The following RAB27A variants were observed in gnomAD, a reference collection of about 807,000 sequenced individuals.
RAB27A encodes the protein ras-related protein Rab-27A.
RAB27A carries 17 observed loss-of-function variants against 20.8 expected under a neutral mutation model. That is an observed-to-expected ratio of 0.82 (90% CI 0.56 to 1.23). The LOEUF (loss-of-function observed/expected upper bound fraction) is 1.23, where lower values mean the gene tolerates loss of function less well. Ranked by LOEUF, RAB27A falls within the 50% of genes most tolerant of loss-of-function variation. RAB27A has a pLI of 0.00. For synonymous variants in RAB27A, 85 were observed against 92.8 expected, an observed-to-expected ratio of 0.92 and a Z score of 0.48; for missense variants, 277 against 266.7, an observed-to-expected ratio of 1.04 and a Z score of -0.27.
intron 2 of RAB27A, among the ~76,000 whole-genome samples, chr15:55,261,305 G>T (rs1897259276): frequency 1.3e-5 from 2 of 151,980 alleles, no homozygotes; most frequent in South Asian, 4.2e-4. Context: ...GCTGAGGTGG[G>T]AGAATTGCTG....
intron 2 of RAB27A, 104 bp from the exon 3 acceptor site, chr15:55,235,060 T>G (rs926079806): frequency 2.2e-6 from 2 of 914,742 alleles, no homozygotes; most frequent in Non-Finnish European, 3.4e-6. Flanking sequence ...AATGTTAACC[T>G]GTATGTCTAC....
At chr15:55,306,180 G>C (rs2054996232) in intron 2 of RAB27A, among the ~76,000 whole-genome samples, 1 of 152,196 alleles carries the variant, frequency 6.6e-6, no homozygotes, top group Non-Finnish European at 1.5e-5. Context: ...TTTTACACAG[G>C]TGAGGTTTGA....
intron 6 of RAB27A, among the ~76,000 whole-genome samples, chr15:55,210,117 CAT>C (rs201818102): frequency 0.012 from 1,774 of 141,962 alleles, 48 homozygotes; most frequent in African/African-American, 0.045. Context: ...CACACATACA[CAT>C]ATGTATATAT....
chr15:55,317,780 A>G lies in RAB27A; in HGVS notation c.-234+1151T>C, dbSNP rs115829340. The G allele has an allele frequency of 4.5e-3, 1,801 of 398,418 alleles. 24 individuals carry two copies. The highest frequency in any genetic ancestry group is 0.034 in the African/African-American group (1,650 of 48,732). 24.7% of individuals were successfully genotyped at this position (398,418 alleles called of 1,614,324 possible). ...GCAAAAAGCAGTTGTGCAAAAGTCA[A>G]TCTCCTAAACATTGCTGCAACAAAT... On this transcript the variant is annotated intron_variant, in intron 1 of 5. Transcript: ENST00000563262.
rs185601379 is a variant in RAB27A, at chr15:55,260,362, T to C, written c.-23+9803A>G. 3.3e-5 allele frequency among the ~76,000 whole-genome samples: 5 copies of C among 152,346 alleles called. No homozygotes were observed. In the East Asian group the frequency reaches 9.6e-4, roughly 29 times the overall value. ...GGAATGCAAAATGGTACAAGCCCTT[T>C]GTTATAGACAGTTTGGCAGTTGTTT... On this transcript the variant is annotated intron_variant, in intron 2 of 6. Transcript: ENST00000336787.
chr15:55,306,806 TG>T, intron 2 of RAB27A, among the ~76,000 whole-genome samples: 1 of 152,068 alleles, frequency 6.6e-6, no homozygotes, highest in African/African-American at 2.4e-5. Context: ...GGTCCTACAG[TG>T]GCATGGAGAG....
chr15:55,236,539 C>A lies in RAB27A; in HGVS notation c.-22-1583G>T, dbSNP rs186211869. 1.2e-3 allele frequency among the ~76,000 whole-genome samples: 183 copies of A among 152,200 alleles called. 2 individuals are homozygous for A. The highest frequency in any genetic ancestry group is 4.3e-3 in the African/African-American group (178 of 41,550). On this transcript the variant is annotated intron_variant, in intron 2 of 6. Transcript: ENST00000336787. The stretch of plus-strand genomic sequence containing the variant: ...CAGTACCGACTAAAACAAAAGTCCA[C>A]CTTAAAGAAGAAAAATTCATTTATA...
At chr15:55,216,426 G>C (rs1287274006) in intron 6 of RAB27A, among the ~76,000 whole-genome samples, 1 of 152,012 alleles carries the variant, frequency 6.6e-6, no homozygotes, top group Non-Finnish European at 1.5e-5. Flanking sequence ...CCAGCTACTA[G>C]GGAGGCTGAG....
intron 1 of RAB27A, among the ~76,000 whole-genome samples, chr15:55,277,786 A>G (rs1897914226): frequency 6.6e-6 from 1 of 152,320 alleles, no homozygotes; most frequent in Non-Finnish European, 1.5e-5. Context: ...TGGCCTTACT[A>G]TCAACTATGG....
intron 6 of RAB27A, among the ~76,000 whole-genome samples, chr15:55,210,890 A>T (rs1423046024): frequency 6.6e-6 from 1 of 152,152 alleles, no homozygotes; most frequent in African/African-American, 2.4e-5. Flanking sequence ...GTAGTTTCAT[A>T]GTTTCAAGTC....
At chr15:55,243,928 C>T (rs1026558098) in intron 2 of RAB27A, among the ~76,000 whole-genome samples, 1 of 152,094 alleles carries the variant, frequency 6.6e-6, no homozygotes, top group African/African-American at 2.4e-5. Flanking sequence ...AAACATAACA[C>T]AATATGACAT....
rs776995532 is a variant in RAB27A at position 55,314,645 on chromosome 15, G to A, written c.-233-485C>T. 3.2e-4 allele frequency among the ~76,000 whole-genome samples: 48 copies of A among 152,264 alleles called. 1 individual carries two copies. The highest frequency in any genetic ancestry group is 4.9e-4 in the Non-Finnish European group (33 of 68,028). On this transcript the variant is annotated intron_variant, in intron 1 of 5. Transcript: ENST00000563262. ...CTTAACAGACAAACAGCCAAATCAT[G>A]AGTGAACTCCTATTCACAACTGCTA...
intron 6 of RAB27A, among the ~76,000 whole-genome samples, chr15:55,214,326 C>G (rs1266808216): frequency 6.6e-6 from 1 of 152,180 alleles, no homozygotes; most frequent in Admixed American, 6.5e-5. Context: ...GTCCCAGCTA[C>G]TCGGGAGGCT....
At chr15:55,251,187 C>G (rs1896875713) in intron 2 of RAB27A, among the ~76,000 whole-genome samples, 1 of 152,246 alleles carries the variant, frequency 6.6e-6, no homozygotes, top group South Asian at 2.1e-4. Context: ...GATGCCACCT[C>G]TCAGATATCA....
intron 5 of RAB27A, among the ~76,000 whole-genome samples, chr15:55,227,604 A>G (rs1457438402): frequency 6.6e-6 from 1 of 152,226 alleles, no homozygotes; most frequent in Non-Finnish European, 1.5e-5. Context: ...AAAGCTTCAT[A>G]TCCTTGGATA....
At chr15:55,303,109 G>A (rs2054980809) in intron 2 of RAB27A, among the ~76,000 whole-genome samples, 3 of 136,878 alleles carry the variant, frequency 2.2e-5, no homozygotes, top group Non-Finnish European at 4.8e-5. Context: ...CGCCTGGCCA[G>A]CCGTGCCGTC....
intron 6 of RAB27A, among the ~76,000 whole-genome samples, chr15:55,217,477 T>G (rs944344587): frequency 9.3e-5 from 14 of 150,468 alleles, no homozygotes; most frequent in African/African-American, 3.2e-4. Flanking sequence ...CTGGCCAACA[T>G]GGTGAAACCT....
intron 6 of RAB27A, among the ~76,000 whole-genome samples, chr15:55,207,845 G>A (rs916055188): frequency 6.6e-6 from 1 of 152,070 alleles, no homozygotes; most frequent in African/African-American, 2.4e-5. Context: ...ACCACTCCCA[G>A]CTAATTTTAT....
rs1897665128 is a variant in RAB27A at position 55,270,292 on chromosome 15, T to C, written c.-142-8A>G. 6.6e-6 allele frequency: 1 copy of C among 152,202 alleles called. No individual in the cohort carries two copies. Among genetic ancestry groups the C allele is most frequent in the African/African-American group, 2.4e-5 (1 of 41,446 alleles). 9.4% of individuals were successfully genotyped at this position (152,202 alleles called of 1,614,324 possible). On this transcript the variant is annotated splice_polypyrimidine_tract_variant and splice_region_variant and intron_variant, in intron 1 of 6. Transcript: ENST00000336787. ...AGGAAGGTTACTTTTTGTCTAATGT[T>C]AAGACAAAGAGAAATGTTAAAGTCA...
Sources: gnomAD v4.1 joint callset for allele counts (sites outside exome capture counted in the v4.1 genomes callset) on GRCh38, gnomAD v4.1.1 for gene constraint, MANE v1.5 for transcripts, NCBI Gene and HGNC (gene_info 2026-07-23, HGNC 2026-07-21) for gene names.